Variants in PCCA observed in about 807,000 individuals in gnomAD.
The protein encoded by PCCA is propionyl-CoA carboxylase alpha chain, mitochondrial.
A neutral mutation model predicts 101.3 loss-of-function variants in PCCA; 74 were observed. The observed-to-expected ratio is 0.73, with a 90% CI of 0.61 to 0.89. The LOEUF is 0.89. Ranked by LOEUF, PCCA falls within the 40% of genes least tolerant of loss-of-function variation. The probability of loss-of-function intolerance (pLI) is 0.00; values close to 1 mark genes in which losing one functional copy is unlikely to be tolerated. For synonymous variants in PCCA, 294 were observed against 313.6 expected, an observed-to-expected ratio of 0.94 and a Z score of 0.66; for missense variants, 891 against 907.0, an observed-to-expected ratio of 0.98 and a Z score of 0.23.
Position 100,130,766 on chromosome 13 carries a change from C to T in PCCA, c.300+18705C>T, listed in dbSNP as rs555605216. 1.1e-4 allele frequency among the ~76,000 whole-genome samples: 16 copies of T among 152,122 alleles called. No individual in the cohort carries two copies. The South Asian group carries it at 3.1e-3, about 30-fold the overall frequency. The stretch of plus-strand genomic sequence containing the variant: ...TAATTAAATATAGCAAAGTGTCTTC[C>T]GTGGACTGTATTAATTAAATGTTAC... On this transcript the variant is annotated intron_variant, in intron 4 of 23. Coordinates refer to ENST00000376285, the MANE Select transcript of PCCA (RefSeq NM_000282.4).
At chr13:100,432,196 T>C (rs2079607923) in intron 20 of PCCA, among the ~76,000 whole-genome samples, 1 of 152,208 alleles carries the variant, frequency 6.6e-6, no homozygotes, top group Non-Finnish European at 1.5e-5. Flanking sequence ...TAACTCGTTA[T>C]GCCAGCACAA....
intron 19 of PCCA, among the ~76,000 whole-genome samples, chr13:100,403,852 C>T (rs1288620801): frequency 1.3e-5 from 2 of 152,128 alleles, no homozygotes; most frequent in Non-Finnish European, 2.9e-5. Flanking sequence ...GCAAACACTG[C>T]GAACTTCCTG....
intron 20 of PCCA, among the ~76,000 whole-genome samples, chr13:100,444,631 T>C (rs1310793477): frequency 4.0e-5 from 6 of 151,734 alleles, no homozygotes; most frequent in Non-Finnish European, 8.8e-5. Context: ...TTAGTAGAGA[T>C]GGAGTTTCAC....
chr13:100,502,030 C>T (rs1031256315), intron 21 of PCCA, among the ~76,000 whole-genome samples: 13 of 152,080 alleles, frequency 8.5e-5, no homozygotes, highest in Non-Finnish European at 1.8e-4. Context: ...TGGTGGAGAG[C>T]ACTTCAGCCA....
intron 6 of PCCA, among the ~76,000 whole-genome samples, chr13:100,162,076 C>CTG (rs1333045811): frequency 1.6e-4 from 21 of 130,008 alleles, no homozygotes; most frequent in African/African-American, 5.8e-4. Context: ...GCATGTGTGT[C>CTG]TGTATGTGTG....
intron 18 of PCCA, among the ~76,000 whole-genome samples, chr13:100,363,724 G>A (rs1156320219): frequency 2.0e-5 from 3 of 151,646 alleles, no homozygotes; most frequent in Non-Finnish European, 2.9e-5. Flanking sequence ...AGAGGTGATG[G>A]CACAACAAAA....
chr13:100,234,538 A>G (rs2060670246), intron 7 of PCCA, among the ~76,000 whole-genome samples: 1 of 151,834 alleles, frequency 6.6e-6, no homozygotes, highest in Non-Finnish European at 1.5e-5. Context: ...CTTAACAAGC[A>G]CCTATTTGTG....
rs1001536262 is a variant in PCCA, at chr13:100,301,677, G to A, written c.1209+74G>A. The A allele has an allele frequency of 5.3e-6, 8 of 1,522,166 alleles. No individual in the cohort carries two copies. The African/African-American group carries it at 9.6e-5, about 18-fold the overall frequency. 94.3% of individuals were successfully genotyped at this position (1,522,166 alleles called of 1,614,324 possible). A position where few individuals can be genotyped will look rare whatever the true frequency, so the allele number is the denominator to read the frequency against. ...ATGAGACCTGGTATAGCCAAACAAT[G>A]AGGTAAAGTTAGGGTTTTATAATGT... On this transcript the variant is annotated intron_variant, in intron 13 of 23. Coordinates refer to ENST00000376285, the MANE Select transcript of PCCA (RefSeq NM_000282.4).
At chr13:100,271,155 C>G (rs1354185774) in intron 11 of PCCA, among the ~76,000 whole-genome samples, 2 of 152,184 alleles carry the variant, frequency 1.3e-5, no homozygotes, top group African/African-American at 2.4e-5. Flanking sequence ...AAGATAGTTT[C>G]ACAGAGCTGC....
At chr13:100,116,208 C>T (rs1346832819) in intron 4 of PCCA, among the ~76,000 whole-genome samples, 2 of 152,114 alleles carry the variant, frequency 1.3e-5, no homozygotes, top group Non-Finnish European at 2.9e-5. Flanking sequence ...TGTTTGTTTT[C>T]AAGAGGTGAG....
At chr13:100,294,592 C>T (rs890199974) in intron 12 of PCCA, among the ~76,000 whole-genome samples, 4 of 152,120 alleles carry the variant, frequency 2.6e-5, no homozygotes, top group Non-Finnish European at 5.9e-5. Flanking sequence ...CTGATTTCAG[C>T]TCCAAAGTGA....
intron 7 of PCCA, among the ~76,000 whole-genome samples, chr13:100,222,367 G>A (rs760358143): frequency 8.5e-5 from 13 of 152,106 alleles, no homozygotes; most frequent in African/African-American, 2.7e-4. Context: ...GTGAGCCACC[G>A]TGCCTGACTG....
At chr13:100,507,765 T>C (rs2086190793) in intron 21 of PCCA, among the ~76,000 whole-genome samples, 2 of 152,066 alleles carry the variant, frequency 1.3e-5, no homozygotes, top group Non-Finnish European at 2.9e-5. Flanking sequence ...CAAGCGATTC[T>C]TCTGCCTCAG....
At chr13:100,506,111 G>A (rs532179062) in intron 21 of PCCA, among the ~76,000 whole-genome samples, 64 of 152,254 alleles carry the variant, frequency 4.2e-4, no homozygotes, top group African/African-American at 1.4e-3. Context: ...TCACAGTCGG[G>A]CCTGTTGGCT....
chr13:100,227,266 T>A lies in PCCA; in HGVS notation c.601-8576T>A, dbSNP rs1438323961. On this transcript the variant is annotated intron_variant, in intron 7 of 23. Coordinates refer to ENST00000376285, the MANE Select transcript of PCCA (RefSeq NM_000282.4). ...TGCTGGGATTACAGGCAGGAGCCGT[T>A]GTGCCCAGCCCACACCTGAGCTCTT... Among the ~76,000 whole-genome samples, 7 of 152,246 alleles carry A rather than the reference T, an allele frequency of 4.6e-5. No homozygotes were observed. In the South Asian group the frequency reaches 1.5e-3, roughly 32 times the overall value.
At chr13:100,490,588 T>C (rs1451820972) in intron 21 of PCCA, 1 of 152,226 alleles carries the variant, frequency 6.6e-6, no homozygotes, top group East Asian at 1.9e-4. Flanking sequence ...GAGGTATACT[T>C]TACAGATAAC....
intron 19 of PCCA, among the ~76,000 whole-genome samples, chr13:100,375,423 G>T (rs2075841281): frequency 6.6e-6 from 1 of 152,126 alleles, no homozygotes; most frequent in African/African-American, 2.4e-5. Context: ...GAATATCCTT[G>T]TTAATTTTCT....
At chr13:100,247,946 A>C (rs655862) in intron 8 of PCCA, among the ~76,000 whole-genome samples, 16 of 152,078 alleles carry the variant, frequency 1.1e-4, no homozygotes, top group African/African-American at 3.9e-4. Flanking sequence ...TTCCTTGGCT[A>C]TCAAAACATA....
At chr13:100,336,565 T>TC (rs1489460520) in intron 17 of PCCA, among the ~76,000 whole-genome samples, 2 of 152,116 alleles carry the variant, frequency 1.3e-5, no homozygotes, top group Non-Finnish European at 2.9e-5. Flanking sequence ...CATGAAATTA[T>TC]CCCCCCAAAA....
Sources: gnomAD v4.1 joint callset for allele counts (sites outside exome capture counted in the v4.1 genomes callset) on GRCh38, gnomAD v4.1.1 for gene constraint, MANE v1.5 for transcripts, NCBI Gene and HGNC (gene_info 2026-07-23, HGNC 2026-07-21) for gene names.